The following POPDC1 variants were observed in gnomAD, a reference collection of about 807,000 sequenced individuals.
POPDC1 encodes popeye domain cAMP effector 1, also known as popeye domain-containing protein 1.
the POPDC1 span, among the ~76,000 whole-genome samples, chr6:105,113,185 A>G: frequency 6.6e-6 from 1 of 151,470 alleles, no homozygotes; most frequent in African/African-American, 2.4e-5. Flanking sequence ...TCCAGCTTCA[A>G]CCTCCCAAAG....
the POPDC1 span, chr6:105,115,682 T>G: frequency 6.2e-7 from 1 of 1,614,010 alleles, no homozygotes; most frequent in Non-Finnish European, 8.5e-7. Flanking sequence ...TTGGGATAAC[T>G]TACGAAGAGA....
At chr6:105,114,746 A>G in the POPDC1 span, among the ~76,000 whole-genome samples, 5 of 152,220 alleles carry the variant, frequency 3.3e-5, no homozygotes, top group South Asian at 4.1e-4. Context: ...TGTGTTACTT[A>G]AAATGTTTTG....
the POPDC1 span, among the ~76,000 whole-genome samples, chr6:105,105,590 T>G: frequency 6.6e-6 from 1 of 152,224 alleles, no homozygotes; most frequent in African/African-American, 2.4e-5. Flanking sequence ...CCTATATAGC[T>G]GGAAATTATT....
At chr6:105,124,430 T>A in the POPDC1 span, 7 of 643,282 alleles carry the variant, frequency 1.1e-5, no homozygotes, top group Non-Finnish European at 1.9e-5. Flanking sequence ...ATATATGCCC[T>A]ATGGTAACTT....
chr6:105,115,220 A>G, the POPDC1 span, among the ~76,000 whole-genome samples: 137,155 of 152,258 alleles, frequency 0.9, 62,228 homozygotes, highest in Non-Finnish European at 0.96. Context: ...CCGAGTAGCC[A>G]GGACTACAGG....
chr6:105,119,406 AG>A, the POPDC1 span, among the ~76,000 whole-genome samples: 1 of 152,196 alleles, frequency 6.6e-6, no homozygotes, highest in Non-Finnish European at 1.5e-5. Flanking sequence ...CCTACATTCT[AG>A]TGGAGGAGGC....
chr6:105,126,429 C>CAAA, the POPDC1 span, among the ~76,000 whole-genome samples: 578 of 129,180 alleles, frequency 4.5e-3, 5 homozygotes, highest in African/African-American at 0.015. Context: ...AACACTGTCT[C>CAAA]AAAAAAAAAA....
At chr6:105,116,895 A>T in the POPDC1 span, 1 of 1,602,168 alleles carries the variant, frequency 6.2e-7, no homozygotes, top group Non-Finnish European at 8.5e-7. Context: ...CATGCAAAGA[A>T]TAAAGTACAT....
the POPDC1 span, chr6:105,116,840 C>A: frequency 6.2e-7 from 1 of 1,612,238 alleles, no homozygotes; most frequent in Non-Finnish European, 8.5e-7. Context: ...GCATAAAAAT[C>A]TGCAGTTATC....
At chr6:105,103,653 G>GT in the POPDC1 span, among the ~76,000 whole-genome samples, 6 of 152,156 alleles carry the variant, frequency 3.9e-5, no homozygotes, top group Non-Finnish European at 8.8e-5. Context: ...ACATAATTGT[G>GT]TAACACGCTT....
At chr6:105,135,039 A>G in the POPDC1 span, among the ~76,000 whole-genome samples, 1 of 152,226 alleles carries the variant, frequency 6.6e-6, no homozygotes, top group Non-Finnish European at 1.5e-5. Flanking sequence ...GGTATCCTCT[A>G]TCACTCATAA....
chr6:105,125,838 G>A, the POPDC1 span, among the ~76,000 whole-genome samples: 117 of 152,234 alleles, frequency 7.7e-4, no homozygotes, highest in Non-Finnish European at 6.3e-4. Context: ...TGAGGTGGGA[G>A]GAGCACTTGA....
At chr6:105,101,026 C>A in the POPDC1 span, 1 of 1,522,178 alleles carries the variant, frequency 6.6e-7, no homozygotes, top group South Asian at 1.3e-5. Context: ...TGAAAAAGTG[C>A]TGGTATTTTT....
chr6:105,130,286 G>A, the POPDC1 span, among the ~76,000 whole-genome samples: 1 of 152,026 alleles, frequency 6.6e-6, no homozygotes, highest in Non-Finnish European at 1.5e-5. Flanking sequence ...TTAAAAGACT[G>A]CAGCTGATTA....
chr6:105,128,391 T>C, the POPDC1 span, among the ~76,000 whole-genome samples: 4 of 152,190 alleles, frequency 2.6e-5, no homozygotes, highest in Non-Finnish European at 5.9e-5. Flanking sequence ...TGAGAATGCA[T>C]GGTCCAAATA....
the POPDC1 span, among the ~76,000 whole-genome samples, chr6:105,108,426 C>A: frequency 1.3e-5 from 2 of 151,984 alleles, no homozygotes; most frequent in Non-Finnish European, 2.9e-5. Flanking sequence ...TAGAAATGCC[C>A]GTAGAAACAA....
the POPDC1 span, among the ~76,000 whole-genome samples, chr6:105,105,532 GC>G: frequency 6.6e-6 from 1 of 152,226 alleles, no homozygotes; most frequent in East Asian, 1.9e-4. Flanking sequence ...GGGCTCTCTG[GC>G]CTCATCAGGA....
the POPDC1 span, chr6:105,133,379 T>A: frequency 6.2e-7 from 1 of 1,613,288 alleles, no homozygotes; most frequent in African/African-American, 1.3e-5. Context: ...CTAAGAAATA[T>A]CATATGAAGG....
At chr6:105,116,966 A>T in the POPDC1 span, 1 of 1,093,694 alleles carries the variant, frequency 9.1e-7, no homozygotes, top group Non-Finnish European at 1.3e-6. Context: ...AGTGGACATT[A>T]TCATAGCAAT....
Sources: allele counts gnomAD v4.1 joint callset (sites outside exome capture counted in the v4.1 genomes callset), GRCh38; gene constraint gnomAD v4.1.1; transcripts MANE v1.5; gene names NCBI Gene and HGNC (gene_info 2026-07-23, HGNC 2026-07-21).